CLSTN1: variants seen among roughly 807,000 people sequenced by gnomAD.
CLSTN1 encodes the protein calsyntenin-1.
CLSTN1 carries 28 observed loss-of-function variants against 108.3 expected under a neutral mutation model. The ratio of observed to expected loss-of-function variants is 0.26; its 90% CI spans 0.19 to 0.35. The LOEUF is 0.35. Ranked by LOEUF, CLSTN1 falls within the 10% of genes least tolerant of loss-of-function variation. The probability of loss-of-function intolerance (pLI) is 1.00; values close to 1 mark genes in which losing one functional copy is unlikely to be tolerated. For missense variants in CLSTN1, 1,157 were observed against 1,302.6 expected (o/e 0.89, Z 1.72); for synonymous variants, 524 against 534.9 (o/e 0.98, Z 0.28).
chr1:9,750,502 C>G (rs1175958201), intron 5 of CLSTN1, among the ~76,000 whole-genome samples: 2 of 152,004 alleles, frequency 1.3e-5, no homozygotes, highest in African/African-American at 4.8e-5. Flanking sequence ...GTGGCCTGAT[C>G]TCGGCTCACT....
intron 1 of CLSTN1, among the ~76,000 whole-genome samples, chr1:9,790,000 A>G (rs768860345): frequency 6.6e-6 from 1 of 151,386 alleles, no homozygotes; most frequent in African/African-American, 2.4e-5. Context: ...TAAAATAAAT[A>G]AAAACTAACC....
At chr1:9,793,911 C>T (rs903273196) in intron 1 of CLSTN1, among the ~76,000 whole-genome samples, 2 of 151,502 alleles carry the variant, frequency 1.3e-5, no homozygotes, top group Non-Finnish European at 1.5e-5. Context: ...CCTAGAGCTT[C>T]CCCTGGTGGG....
intron 1 of CLSTN1, among the ~76,000 whole-genome samples, chr1:9,813,498 CAA>C (rs200184305): frequency 1.7e-4 from 19 of 114,324 alleles, no homozygotes; most frequent in African/African-American, 2.0e-4. Flanking sequence ...GACTCTGTCT[CAA>C]AAAAAAAAAA....
chr1:9,783,937 G>A (rs1653364332), intron 1 of CLSTN1, among the ~76,000 whole-genome samples: 1 of 151,924 alleles, frequency 6.6e-6, no homozygotes, highest in South Asian at 2.1e-4. Context: ...AGGTTGCAGG[G>A]AGCTGAGACC....
chr1:9,772,140 CTTTTTTTT>C (rs57522417), intron 2 of CLSTN1, among the ~76,000 whole-genome samples: 4 of 30,918 alleles, frequency 1.3e-4, no homozygotes, highest in African/African-American at 1.5e-4. Flanking sequence ...CCACACCCGG[CTTTTTTTT>C]TTTTTTTTTT....
At chr1:9,739,777 G>A (rs1306243713) in intron 10 of CLSTN1, among the ~76,000 whole-genome samples, 4 of 151,112 alleles carry the variant, frequency 2.6e-5, no homozygotes, top group African/African-American at 9.7e-5. Flanking sequence ...TTGAGACAGG[G>A]TCTCACTCTG....
intron 1 of CLSTN1, among the ~76,000 whole-genome samples, chr1:9,821,054 C>G (rs1619083): frequency 6.6e-6 from 1 of 152,132 alleles, no homozygotes; most frequent in Admixed American, 6.6e-5. Context: ...TTCTATTTCC[C>G]GATCTCCATG....
At chr1:9,801,279 TCTATG>T (rs1654252432) in intron 1 of CLSTN1, among the ~76,000 whole-genome samples, 1 of 152,108 alleles carries the variant, frequency 6.6e-6, no homozygotes, top group Admixed American at 6.6e-5. Context: ...TATGAACAAC[TCTATG>T]CCTAAAAATT....
chr1:9,819,402 A>G (rs1403598926), intron 1 of CLSTN1, among the ~76,000 whole-genome samples: 1 of 152,212 alleles, frequency 6.6e-6, no homozygotes, highest in Non-Finnish European at 1.5e-5. Flanking sequence ...TAAGTCCTGC[A>G]GCTAGTGTTA....
intron 1 of CLSTN1, among the ~76,000 whole-genome samples, chr1:9,812,617 C>T (rs761254261): frequency 2.0e-5 from 3 of 152,048 alleles, no homozygotes; most frequent in South Asian, 2.1e-4. Flanking sequence ...GAGGCCGAGG[C>T]GGGCAGAACA....
intron 1 of CLSTN1, among the ~76,000 whole-genome samples, chr1:9,782,970 G>C (rs1262227352): frequency 6.6e-6 from 1 of 152,196 alleles, no homozygotes; most frequent in African/African-American, 2.4e-5. Context: ...TCGCGCCATC[G>C]CACTCCAGCC....
rs574205829 is a variant in CLSTN1 at position 9,734,821 on chromosome 1, G to A, written c.2110+127C>T. On this transcript the variant is annotated intron_variant, in intron 14 of 18. Coordinates refer to ENST00000377298, the MANE Select transcript of CLSTN1 (RefSeq NM_001009566.3). This position sits in a 1 kb window ranked among gnomAD's most constrained non-coding sequence, Gnocchi z 4.8. ...CGGGTCAGATTCCAGAAGCACACCC[G>A]AGAGAACACCAACGAAAGATTAAAA... 34 of 757,352 alleles carry A rather than the reference G, an allele frequency of 4.5e-5. No individual in the cohort carries two copies. The highest frequency in any genetic ancestry group is 1.0e-4 in the Admixed American group (4 of 39,488). 46.9% of individuals were successfully genotyped at this position (757,352 alleles called of 1,614,324 possible). A position where few individuals can be genotyped will look rare whatever the true frequency, so the allele number is the denominator to read the frequency against.
At chr1:9,793,459 C>T (rs2101235306) in intron 1 of CLSTN1, among the ~76,000 whole-genome samples, 1 of 151,624 alleles carries the variant, frequency 6.6e-6, no homozygotes, top group Middle Eastern at 3.4e-3. Context: ...CGCTGGGCCC[C>T]CGCTTCGAAT....
chr1:9,759,590 A>G (rs1037138970), intron 2 of CLSTN1, among the ~76,000 whole-genome samples: 1 of 152,196 alleles, frequency 6.6e-6, no homozygotes, highest in Non-Finnish European at 1.5e-5. Flanking sequence ...CCTCAAATAC[A>G]GTTTCTATAA....
intron 1 of CLSTN1, among the ~76,000 whole-genome samples, chr1:9,783,408 G>A (rs541293049): frequency 7.9e-5 from 12 of 152,214 alleles, no homozygotes; most frequent in Admixed American, 7.2e-4. Context: ...GTGTGATCCC[G>A]TCTCTACAAA....
At chr1:9,731,447 C>T in intron 17 of CLSTN1, 57 bp from the exon 18 acceptor site, 1 of 1,557,038 alleles carries the variant, frequency 6.4e-7, no homozygotes, top group East Asian at 2.3e-5. Context: ...GGCCACTGTG[C>T]CCTTGACCTC....
intron 2 of CLSTN1, among the ~76,000 whole-genome samples, chr1:9,764,125 A>G (rs954167729): frequency 4.1e-5 from 6 of 145,752 alleles, no homozygotes; most frequent in African/African-American, 1.3e-4. Flanking sequence ...AGAGAGAGAG[A>G]GAGAGGGAGA....
At chr1:9,751,225 G>T (rs1393052327) in intron 5 of CLSTN1, among the ~76,000 whole-genome samples, 1 of 152,082 alleles carries the variant, frequency 6.6e-6, no homozygotes, top group Non-Finnish European at 1.5e-5. Context: ...ATTTGATTTT[G>T]GTGGGAAAGC....
chr1:9,737,169 C>A (rs1260348520), intron 11 of CLSTN1, among the ~76,000 whole-genome samples: 5 of 152,160 alleles, frequency 3.3e-5, no homozygotes, highest in Admixed American at 3.3e-4. Flanking sequence ...GGTTCATCCA[C>A]ATGACAGTCA....
Sources: allele counts gnomAD v4.1 joint callset (sites outside exome capture counted in the v4.1 genomes callset), GRCh38; gene constraint gnomAD v4.1.1; non-coding constraint Gnocchi (gnomAD v3.1); transcripts MANE v1.5; gene names NCBI Gene and HGNC (gene_info 2026-07-23, HGNC 2026-07-21).